Variants in TLL1 observed in about 807,000 individuals in gnomAD.
TLL1 encodes tolloid-like protein 1.
A neutral mutation model predicts 128.2 loss-of-function variants in TLL1; 49 were observed. The ratio of observed to expected loss-of-function variants is 0.38; its 90% CI spans 0.30 to 0.48. TLL1 has a LOEUF of 0.48. TLL1 is among the 20% of genes least tolerant of loss of function. The pLI, the probability that TLL1 is intolerant of heterozygous loss-of-function variation, is 0.96. For synonymous variants in TLL1, 454 were observed against 418.8 expected (o/e 1.08, Z -1.03); for missense variants, 1,123 against 1,242.0 (o/e 0.90, Z 1.44).
chr4:166,016,623 T>C (rs1287134183), intron 8 of TLL1, among the ~76,000 whole-genome samples: 1 of 152,052 alleles, frequency 6.6e-6, no homozygotes, highest in African/African-American at 2.4e-5. Flanking sequence ...ACCTGAAATA[T>C]AGAAATAATA....
chr4:166,092,516 T>G (rs575807744), intron 19 of TLL1, among the ~76,000 whole-genome samples: 2 of 152,224 alleles, frequency 1.3e-5, no homozygotes, highest in African/African-American at 4.8e-5. Flanking sequence ...TTCCACACAT[T>G]TGACATTTAC....
intron 1 of TLL1, among the ~76,000 whole-genome samples, chr4:165,899,433 A>G (rs1731847009): frequency 6.6e-6 from 1 of 152,002 alleles, no homozygotes; most frequent in Non-Finnish European, 1.5e-5. Context: ...CTTTGTTCTC[A>G]TTGGTTTCAA....
intron 1 of TLL1, among the ~76,000 whole-genome samples, chr4:165,886,662 G>T (rs1731174484): frequency 6.6e-6 from 1 of 152,068 alleles, no homozygotes; most frequent in Non-Finnish European, 1.5e-5. Flanking sequence ...CCTCTCATAT[G>T]TTTGAAATCA....
chr4:166,037,958 G>A (rs1423455198), intron 9 of TLL1, among the ~76,000 whole-genome samples: 2 of 152,118 alleles, frequency 1.3e-5, no homozygotes, highest in Non-Finnish European at 2.9e-5. Context: ...CAACTTTGGT[G>A]TACAGTTTCA....
At chr4:166,021,849 C>G (rs1738253983) in intron 8 of TLL1, among the ~76,000 whole-genome samples, 1 of 152,078 alleles carries the variant, frequency 6.6e-6, no homozygotes, top group Non-Finnish European at 1.5e-5. Context: ...TTTTTATATC[C>G]TATCTGTTCT....
intron 1 of TLL1, among the ~76,000 whole-genome samples, chr4:165,955,160 G>A (rs766959582): frequency 6.6e-6 from 1 of 151,964 alleles, no homozygotes; most frequent in Non-Finnish European, 1.5e-5. Context: ...AATAGAGCAA[G>A]CTGAGAAAAG....
At chr4:165,977,146 G>T (rs1735921277) in intron 1 of TLL1, among the ~76,000 whole-genome samples, 1 of 152,142 alleles carries the variant, frequency 6.6e-6, no homozygotes, top group Admixed American at 6.6e-5. Context: ...CGATATGGTT[G>T]GCTCTGTGTC....
At chr4:166,053,330 A>G (rs1169724315) in intron 12 of TLL1, 1 of 151,802 alleles carries the variant, frequency 6.6e-6, no homozygotes, top group Non-Finnish European at 1.5e-5. Flanking sequence ...TACGCTTTCT[A>G]TTTTTCCATT....
chr4:165,993,730 AAGACTAT>A (rs1463449525), intron 3 of TLL1, among the ~76,000 whole-genome samples: 1 of 152,150 alleles, frequency 6.6e-6, no homozygotes, highest in Admixed American at 6.6e-5. Flanking sequence ...AGAAAAGGAA[AAGACTAT>A]AGACTTGAAA....
chr4:166,030,099 T>G (rs559083103), intron 9 of TLL1, among the ~76,000 whole-genome samples: 1 of 152,228 alleles, frequency 6.6e-6, no homozygotes, highest in East Asian at 1.9e-4. Flanking sequence ...TATTTCACAG[T>G]CCTCACTAAG....
intron 1 of TLL1, among the ~76,000 whole-genome samples, chr4:165,938,920 G>A (rs1320645925): frequency 6.6e-5 from 10 of 151,602 alleles, no homozygotes; most frequent in African/African-American, 2.2e-4. Context: ...TGGTTGCAAT[G>A]TCATTGTATC....
At chr4:166,000,818 A>G (rs1331645087) in intron 5 of TLL1, among the ~76,000 whole-genome samples, 3 of 152,174 alleles carry the variant, frequency 2.0e-5, no homozygotes, top group Non-Finnish European at 4.4e-5. Context: ...TATTTGAACA[A>G]AAAACTACCT....
chr4:165,896,860 C>T (rs1485081170), intron 1 of TLL1, among the ~76,000 whole-genome samples: 3 of 152,144 alleles, frequency 2.0e-5, no homozygotes, highest in African/African-American at 7.2e-5. Context: ...AATTTACACT[C>T]CCACCAAAAG....
At position 166,059,708 on chromosome 4, in the gene TLL1, C is replaced by A. The variant is rs527547177; in HGVS notation, c.1847-320C>A. 3.3e-5 allele frequency among the ~76,000 whole-genome samples: 5 copies of A among 152,094 alleles called. No individual in the cohort carries two copies. The South Asian group carries it at 1.0e-3, about 32-fold the overall frequency. On this transcript the variant is annotated intron_variant, in intron 14 of 20. Transcript: ENST00000061240. Reference sequence around the variant, plus strand: ...CAAGGCACTACAAGATATTATTAGACCAACTCTAAAGATAAGAAAACTGAG... The same window carrying A: ...CAAGGCACTACAAGATATTATTAGAACAACTCTAAAGATAAGAAAACTGAG...
At chr4:166,046,979 AT>A (rs201204505) in intron 12 of TLL1, among the ~76,000 whole-genome samples, 1,935 of 152,012 alleles carry the variant, frequency 0.013, 46 homozygotes, top group African/African-American at 0.044. Context: ...GTTTATATCA[AT>A]TTTTTTGTTT....
intron 9 of TLL1, among the ~76,000 whole-genome samples, chr4:166,037,546 T>C (rs576876523): frequency 6.6e-6 from 1 of 152,278 alleles, no homozygotes; most frequent in South Asian, 2.1e-4. Context: ...CGGTGGCTCA[T>C]GCCTGCAATC....
intron 1 of TLL1, among the ~76,000 whole-genome samples, chr4:165,951,538 G>A (rs1734516483): frequency 6.6e-6 from 1 of 152,126 alleles, no homozygotes; most frequent in South Asian, 2.1e-4. Context: ...ATTCAAGAAG[G>A]TCTAGGTGAT....
intron 1 of TLL1, among the ~76,000 whole-genome samples, chr4:165,961,233 GAAT>G (rs987037398): frequency 6.6e-5 from 10 of 152,094 alleles, no homozygotes; most frequent in African/African-American, 2.4e-4. Context: ...GCCACAGAAA[GAAT>G]AAAATATCTA....
chr4:165,994,628 T>C, intron 4 of TLL1, 95 bp downstream of exon 4: 1 of 1,441,732 alleles, frequency 6.9e-7, no homozygotes, highest in Non-Finnish European at 9.6e-7. Context: ...ATAAGATACA[T>C]AGTATTAAGT....
Sources: gnomAD v4.1 joint callset for allele counts (sites outside exome capture counted in the v4.1 genomes callset) on GRCh38, gnomAD v4.1.1 for gene constraint, MANE v1.5 for transcripts, NCBI Gene and HGNC (gene_info 2026-07-23, HGNC 2026-07-21) for gene names.